Variants in ARPIN observed in about 807,000 individuals in gnomAD.
ARPIN encodes the protein UPF0552 protein C15orf38.
In ARPIN, 23 loss-of-function variants were observed where a neutral mutation model predicts 25.9. That is an observed-to-expected ratio of 0.89 (90% confidence interval 0.64 to 1.26). The LOEUF (loss-of-function observed/expected upper bound fraction) is 1.26, where lower values mean the gene tolerates loss of function less well. Ranked by LOEUF, ARPIN falls within the 50% of genes most tolerant of loss-of-function variation. ARPIN has a pLI of 0.00. For missense variants in ARPIN, 333 were observed against 312.2 expected, an observed-to-expected ratio of 1.07 and a Z score of -0.50; for synonymous variants, 126 against 131.4, an observed-to-expected ratio of 0.96 and a Z score of 0.28.
rs1896935526 is a variant in ARPIN, at chr15:89,896,652, A to G, written c.*5143T>C. On this transcript the variant is annotated 3_prime_UTR_variant, in exon 6 of 6. Transcript: ENST00000357484. ...AAAAATCGTTGTTAAAATATGGCAAATGGTTATATTTAAAATGCAAATAAC... is the reference window on the plus strand; with the variant it reads ...AAAAATCGTTGTTAAAATATGGCAAGTGGTTATATTTAAAATGCAAATAAC... 6.6e-6 allele frequency: 1 copy of G among 152,188 alleles called. No individual in the cohort carries two copies. The highest frequency in any genetic ancestry group is 2.1e-4 in the South Asian group (1 of 4,834). 9.4% of individuals were successfully genotyped at this position (152,188 alleles called of 1,614,324 possible).
At chr15:89,904,851 C>A (rs539912991) in intron 3 of ARPIN, among the ~76,000 whole-genome samples, 1 of 152,332 alleles carries the variant, frequency 6.6e-6, no homozygotes, top group African/African-American at 2.4e-5. Flanking sequence ...CTCAGCCAAC[C>A]TCTGCCAGGG....
intron 3 of ARPIN, among the ~76,000 whole-genome samples, chr15:89,907,623 C>T (rs745883934): frequency 1.4e-4 from 22 of 152,276 alleles, no homozygotes; most frequent in Admixed American, 2.6e-4. Flanking sequence ...ACTTCCCCGC[C>T]TCCAGAACTG....
In ARPIN at chr15:89,901,576, G is replaced by C; in HGVS notation, c.*219C>G. The C allele has an allele frequency of 1.7e-6, 1 of 590,718 alleles. No individual in the cohort carries two copies. The highest frequency in any genetic ancestry group is 3.0e-6 in the Non-Finnish European group (1 of 332,492). The allele number at this position is 590,718 out of a possible 1,614,324, so 36.6% of individuals were successfully genotyped here. Reference sequence around the variant, plus strand: ...AAGGCTAGACTCACATGCAGGGAGGGGCCCTCCCTGAGCCACAGCATGAGG... The same window carrying C: ...AAGGCTAGACTCACATGCAGGGAGGCGCCCTCCCTGAGCCACAGCATGAGG... On this transcript the variant is annotated 3_prime_UTR_variant, in exon 6 of 6. Coordinates refer to ENST00000357484, the MANE Select transcript of ARPIN (RefSeq NM_182616.4).
Position 89,903,841 on chromosome 15 carries a change from C to A in ARPIN, c.444G>T (p.Glu148Asp). 4 of 1,614,198 alleles carry A rather than the reference C, an allele frequency of 2.5e-6. No homozygotes were observed. Among genetic ancestry groups the A allele is most frequent in the Non-Finnish European group, 3.4e-6 (4 of 1,180,034 alleles). The change falls in exon 4 of 6, where the codon GAG becomes GAT. Residue 148 changes from glutamate (E) to aspartate (D), a missense_variant. Transcript: ENST00000357484. The stretch of plus-strand genomic sequence containing the variant: ...CGGCCCCCAGCTCGAGTTCCATCAC[C>A]TCCATCTCTGACTCGGGCATCCAGA... ...VAFWMPESEM[E>D]VMELELGAGV... is the part of the protein sequence containing the mutation.
Position 89,912,927 on chromosome 15 carries a change from G to C in ARPIN, c.-92C>G. The C allele has an allele frequency of 7.2e-7, 1 of 1,391,302 alleles. No individual in the cohort carries two copies. The highest frequency in any genetic ancestry group is 9.3e-7 in the Non-Finnish European group (1 of 1,073,398). The allele number at this position is 1,391,302 out of a possible 1,614,324, so 86.2% of individuals were successfully genotyped here. ...TGCTGCAGGACGCGCGGGGACCCGC[G>C]ATTCCCAGCCGGCGGATCCGGGAAT... On this transcript the variant is annotated 5_prime_UTR_variant, in exon 1 of 6. The change creates a new upstream start codon in the 5' untranslated region. Coordinates refer to ENST00000357484, the MANE Select transcript of ARPIN (RefSeq NM_182616.4).
intron 3 of ARPIN, among the ~76,000 whole-genome samples, chr15:89,907,379 T>A (rs759757296): frequency 5.1e-4 from 78 of 151,870 alleles, no homozygotes; most frequent in Non-Finnish European, 9.1e-4. Context: ...AAAATTTTTT[T>A]AAAAAAGAAA....
Position 89,898,321 on chromosome 15 carries a change from G to A in ARPIN, c.*3474C>T, listed in dbSNP as rs1378813135. 1 of 152,152 alleles carries A rather than the reference G, an allele frequency of 6.6e-6. No individual in the cohort carries two copies. Among genetic ancestry groups the A allele is most frequent in the Non-Finnish European group, 1.5e-5 (1 of 68,034 alleles). The allele number at this position is 152,152 out of a possible 1,614,324, so 9.4% of individuals were successfully genotyped here. ...AAGAAAAGAGTCCAGGCAAGGCAATGCAAGTGGGGGAGTGACCTGCTCTGG... is the reference window on the plus strand; with the variant it reads ...AAGAAAAGAGTCCAGGCAAGGCAATACAAGTGGGGGAGTGACCTGCTCTGG... On this transcript the variant is annotated 3_prime_UTR_variant, in exon 6 of 6. Coordinates refer to ENST00000357484, the MANE Select transcript of ARPIN (RefSeq NM_182616.4).
At position 89,912,868 on chromosome 15, in the gene ARPIN, C is replaced by T. The variant is rs779644187; in HGVS notation, c.-33G>A. ...ACCGCCCGGGCACCCCGGCACAGAG[C>T]CGGCGCACTGGGCTGGGGGCGCGGC... On this transcript the variant is annotated 5_prime_UTR_variant, in exon 1 of 6. Transcript: ENST00000357484. 24 of 1,507,556 alleles carry T rather than the reference C, an allele frequency of 1.6e-5. 1 individual carries two copies. In the South Asian group the frequency reaches 3.0e-4, roughly 19 times the overall value. 93.4% of individuals were successfully genotyped at this position (1,507,556 alleles called of 1,614,324 possible).
intron 4 of ARPIN, 38 bp downstream of exon 4, chr15:89,903,739 C>G: frequency 6.2e-7 from 1 of 1,610,226 alleles, no homozygotes; most frequent in South Asian, 1.1e-5. Context: ...ATGGGCCACA[C>G]AGGAACAGTG....
At chr15:89,904,714 A>G (rs7178909) in intron 3 of ARPIN, among the ~76,000 whole-genome samples, 61,212 of 152,122 alleles carry the variant, frequency 0.4, 12,725 homozygotes, top group East Asian at 0.63. Context: ...CCAGCACAGC[A>G]ACCCCGGAGC....
Position 89,912,915 on chromosome 15 carries a change from GC to G in ARPIN, c.-81del. On this transcript the variant is annotated 5_prime_UTR_variant, in exon 1 of 6. Transcript: ENST00000357484. ...CGGCGCGGGAAGTGCTGCAGGACGC[GC>G]GGGGACCCGCGATTCCCAGCCGGCG... The G allele has an allele frequency of 7.1e-7, 1 of 1,405,964 alleles. No homozygotes were observed. Among genetic ancestry groups the G allele is most frequent in the Non-Finnish European group, 9.2e-7 (1 of 1,084,220 alleles). 87.1% of individuals were successfully genotyped at this position (1,405,964 alleles called of 1,614,324 possible).
At position 89,903,956 on chromosome 15, in the gene ARPIN, C is replaced by T; in HGVS notation, c.329G>A (p.Arg110Lys). ...CCCCTTCAGCGCCTCGGGCGTGAGC[C>T]TGTCAGTGTCCCCCTTGGCTTCCAC... The part of the protein sequence containing the change: ...YKVEAKGDTD[R>K]LTPEALKGLV... The change falls in exon 4 of 6, where the codon AGG (arginine) becomes AAG (lysine). Residue 110 changes from arginine (R) to lysine (K), a missense_variant. Arg to Lys is a conservative substitution (Grantham distance 26). Coordinates refer to ENST00000357484, the MANE Select transcript of ARPIN (RefSeq NM_182616.4). 1 of 1,609,168 alleles carries T rather than the reference C, an allele frequency of 6.2e-7. No individual in the cohort carries two copies. The highest frequency in any genetic ancestry group is 8.5e-7 in the Non-Finnish European group (1 of 1,179,644).
In ARPIN at chr15:89,903,225, G is replaced by A. The variant is rs182359683; in HGVS notation, c.663C>T (p.Asp221=). The change falls in exon 5 of 6, where the codon GAC becomes GAT. Residue 221 remains aspartate (D), a synonymous_variant. Coordinates refer to ENST00000357484, the MANE Select transcript of ARPIN (RefSeq NM_182616.4). ...EIREQGDGAE[D]EEWDD Reference sequence around the variant, plus strand: ...AACACCAGGTACCTACCCACTCCTCGTCCTCTGCCCCATCCCCCTGCTCTC... The same window carrying A: ...AACACCAGGTACCTACCCACTCCTCATCCTCTGCCCCATCCCCCTGCTCTC... 107 of 1,614,072 alleles carry A rather than the reference G, an allele frequency of 6.6e-5. No homozygotes were observed. The African/African-American group carries it at 1.2e-3, about 19-fold the overall frequency.
At position 89,912,879 on chromosome 15, in the gene ARPIN, G is replaced by A. The variant is rs1161104319; in HGVS notation, c.-44C>T. ...ACCCCGGCACAGAGCCGGCGCACTG[G>A]GCTGGGGGCGCGGCGCGGGAAGTGC... On this transcript the variant is annotated 5_prime_UTR_variant, in exon 1 of 6. Transcript: ENST00000357484. 2.0e-6 allele frequency: 3 copies of A among 1,481,338 alleles called. No individual in the cohort carries two copies. The highest frequency in any genetic ancestry group is 1.5e-5 in the African/African-American group (1 of 67,630). 91.8% of individuals were successfully genotyped at this position (1,481,338 alleles called of 1,614,324 possible).
At chr15:89,907,730 T>C (rs1256830566) in intron 3 of ARPIN, among the ~76,000 whole-genome samples, 6 of 152,262 alleles carry the variant, frequency 3.9e-5, no homozygotes, top group Non-Finnish European at 5.9e-5. Context: ...TTGAAGACTA[T>C]AGTGTGCTAT....
At chr15:89,906,582 T>C (rs967024756) in intron 3 of ARPIN, among the ~76,000 whole-genome samples, 1 of 152,150 alleles carries the variant, frequency 6.6e-6, no homozygotes, top group Non-Finnish European at 1.5e-5. Flanking sequence ...ATTTCAAGTA[T>C]ACGACTGGGT....
At chr15:89,910,196 C>T (rs113132346) in intron 2 of ARPIN, among the ~76,000 whole-genome samples, 2,566 of 152,216 alleles carry the variant, frequency 0.017, 84 homozygotes, top group African/African-American at 0.059. Flanking sequence ...TTTTAGAGAC[C>T]AAGCTCAGTT....
chr15:89,910,755 G>C lies in ARPIN; in HGVS notation c.157C>G (p.His53Asp). The C allele has an allele frequency of 6.2e-7, 1 of 1,614,158 alleles. No homozygotes were observed. Among genetic ancestry groups the C allele is most frequent in the Non-Finnish European group, 8.5e-7 (1 of 1,180,008 alleles). ...GGAAGCATCCTCACCTTCCTGCCAT[G>C]AGTGTCCAAGATGCTGTGCCGAGAT... ...DVSRHSILDT[H>D]GRKERYYVLY... Residue 53 changes from histidine (H) to aspartate (D), a missense_variant, in exon 2 of 6, where the codon CAT becomes GAT. Transcript: ENST00000357484.
intron 1 of ARPIN, chr15:89,912,249 C>T (rs1315684476): frequency 2.3e-5 from 23 of 989,504 alleles, no homozygotes; most frequent in Non-Finnish European, 2.6e-5. Context: ...TGGAATGGTC[C>T]CTTCGGCCTC....
Sources: gnomAD v4.1 joint callset for allele counts (sites outside exome capture counted in the v4.1 genomes callset) on GRCh38, gnomAD v4.1.1 for gene constraint, MANE v1.5 for transcripts, NCBI Gene and HGNC (gene_info 2026-07-23, HGNC 2026-07-21) for gene names.